The following ZZEF1 variants were observed in gnomAD, a reference collection of about 807,000 sequenced individuals.
The protein encoded by ZZEF1 is zinc finger ZZ-type and EF-hand domain containing 1.
A neutral mutation model predicts 342.8 loss-of-function variants in ZZEF1; 157 were observed. That is an observed-to-expected ratio of 0.46 (90% CI 0.40 to 0.52). The LOEUF (loss-of-function observed/expected upper bound fraction) is 0.52. ZZEF1 is among the 20% of genes least tolerant of loss of function. The pLI, the probability that ZZEF1 is intolerant of heterozygous loss-of-function variation, is 0.00. For missense variants in ZZEF1, 3,480 were observed against 3,725.6 expected (o/e 0.93, Z 1.72); for synonymous variants, 1,505 against 1,429.1 (o/e 1.05, Z -1.20).
intron 1 of ZZEF1, among the ~76,000 whole-genome samples, chr17:4,132,201 CT>C (rs34252779): frequency 0.66 from 88,605 of 134,870 alleles, 29,934 homozygotes; most frequent in East Asian, 0.9. Context: ...TAAATTTTCT[CT>C]TTTTTTTTTT....
chr17:4,083,730 C>T (rs2057768180), intron 16 of ZZEF1, among the ~76,000 whole-genome samples: 1 of 151,120 alleles, frequency 6.6e-6, no homozygotes, highest in Non-Finnish European at 1.5e-5. Context: ...CTCTGCCTCT[C>T]GGGTTCAAGC....
At chr17:4,020,801 C>T (rs2056248590) in intron 45 of ZZEF1, among the ~76,000 whole-genome samples, 1 of 152,174 alleles carries the variant, frequency 6.6e-6, no homozygotes. Context: ...AAGGAACTAT[C>T]GTATAGAGTT....
chr17:4,015,420 T>C (rs546655388), intron 49 of ZZEF1, among the ~76,000 whole-genome samples: 1 of 152,346 alleles, frequency 6.6e-6, no homozygotes, highest in South Asian at 2.1e-4. Flanking sequence ...CACTCAGAAG[T>C]AGATGCCTGG....
At chr17:4,013,043 C>T (rs558226544) in intron 52 of ZZEF1, among the ~76,000 whole-genome samples, 1 of 149,916 alleles carries the variant, frequency 6.7e-6, no homozygotes, top group East Asian at 2.0e-4. Flanking sequence ...GATCTACAGT[C>T]GCACCACAGC....
chr17:4,032,837 G>A lies in ZZEF1; in HGVS notation c.6750C>T (p.Gly2250=). The A allele has an allele frequency of 6.2e-7, 1 of 1,614,024 alleles. No homozygotes were observed. The highest frequency in any genetic ancestry group is 2.2e-5 in the East Asian group (1 of 44,870). Residue 2250 remains glycine (G), a synonymous_variant, in exon 41 of 55, where the codon GGC becomes GGT. Transcript: ENST00000381638. ...TNIFTLLVLV[G]FPQVLCVGTR... is the part of the protein sequence containing the mutation. ...CTTCAGAGTGTGGTACCTGGGGGAAGCCAACCAGCACGAGCAGGGTGAAGA... is the reference window on the plus strand; with the variant it reads ...CTTCAGAGTGTGGTACCTGGGGGAAACCAACCAGCACGAGCAGGGTGAAGA...
rs765853012 is a variant in ZZEF1 at position 4,025,028 on chromosome 17, A to G, written c.6983T>C (p.Phe2328Ser). Residue 2328 changes from phenylalanine (F) to serine (S), a missense_variant, in exon 43 of 55, where the codon TTT becomes TCT. This residue lies in a region of ZZEF1 where 1,269 missense variants were observed against 1,342.4 expected (regional missense o/e 0.95). Transcript: ENST00000381638. Reference sequence around the variant, plus strand: ...GCTTTGCAGAAGGTGACTGGCGATAAAGGCAAAGTGCTGGGAGTACTGGCT... The same window carrying G: ...GCTTTGCAGAAGGTGACTGGCGATAGAGGCAAAGTGCTGGGAGTACTGGCT... ...QLSQYSQHFA[F>S]IASHLLQSSM... 6.2e-7 allele frequency: 1 copy of G among 1,614,184 alleles called. No individual in the cohort carries two copies. The highest frequency in any genetic ancestry group is 8.5e-7 in the Non-Finnish European group (1 of 1,180,030).
chr17:4,121,574 G>A (rs2058483830), intron 2 of ZZEF1, among the ~76,000 whole-genome samples: 1 of 152,098 alleles, frequency 6.6e-6, no homozygotes, highest in Admixed American at 6.6e-5. Context: ...TGCAGTGAAT[G>A]GAGATCCCAC....
chr17:4,067,714 T>A (rs2057428180), intron 26 of ZZEF1, among the ~76,000 whole-genome samples: 1 of 152,150 alleles, frequency 6.6e-6, no homozygotes, highest in Admixed American at 6.5e-5. Flanking sequence ...TCCCAGCACT[T>A]TTTATTTTTA....
rs192184890 is a variant in ZZEF1 at position 4,100,481 on chromosome 17, T to G, written c.1672+1836A>C. 1.4e-3 allele frequency among the ~76,000 whole-genome samples: 213 copies of G among 152,224 alleles called. 1 individual carries two copies. Among genetic ancestry groups the G allele is most frequent in the African/African-American group, 4.8e-3 (200 of 41,532 alleles). On this transcript the variant is annotated intron_variant, in intron 9 of 54. Coordinates refer to ENST00000381638, the MANE Select transcript of ZZEF1 (RefSeq NM_015113.4). ...GAGGGGAAAAAGCAGGAAGGAGAACTGGGTAGGTAAAAGACACAGGGAAAA... is the reference window on the plus strand; with the variant it reads ...GAGGGGAAAAAGCAGGAAGGAGAACGGGGTAGGTAAAAGACACAGGGAAAA...
At chr17:4,065,225 A>C (rs554720147) in intron 28 of ZZEF1, among the ~76,000 whole-genome samples, 2 of 152,102 alleles carry the variant, frequency 1.3e-5, no homozygotes, top group East Asian at 1.9e-4. Context: ...GGTGAAACCC[A>C]ATCTCTATAA....
At position 4,017,626 on chromosome 17, in the gene ZZEF1, C is replaced by G; in HGVS notation, c.7746G>C (p.Gln2582His). ...GGAGGGCGGCGCTCTTGCTACGGCG[C>G]TGCTTGGCATAGCTCTGCTGCAGTT... The part of the protein sequence containing the change: ...ESELQQSYAK[Q>H]RRSKSAALLH... The change falls in exon 48 of 55, where the codon CAG (glutamine) becomes CAC (histidine). Residue 2582 changes from glutamine to histidine, a missense_variant. Transcript: ENST00000381638. The surrounding 1 kb of genome is among the most constrained non-coding windows in gnomAD (Gnocchi z 5.1). 4 of 1,614,202 alleles carry G rather than the reference C, an allele frequency of 2.5e-6. No individual in the cohort carries two copies. The highest frequency in any genetic ancestry group is 3.4e-6 in the Non-Finnish European group (4 of 1,180,032).
chr17:4,008,192 A>G lies in ZZEF1; in HGVS notation c.8805+691T>C, dbSNP rs535817462. 2 of 152,350 alleles carry G rather than the reference A, an allele frequency of 1.3e-5. No individual in the cohort carries two copies. The highest frequency in any genetic ancestry group is 1.9e-4 in the East Asian group (1 of 5,176). 9.4% of individuals were successfully genotyped at this position (152,350 alleles called of 1,614,324 possible). A position where few individuals can be genotyped will look rare whatever the true frequency, so the allele number is the denominator to read the frequency against. On this transcript the variant is annotated intron_variant, in intron 54 of 54. Coordinates refer to ENST00000381638, the MANE Select transcript of ZZEF1 (RefSeq NM_015113.4). The surrounding 1 kb of genome is among the most constrained non-coding windows in gnomAD (Gnocchi z 4.2). ...CCAGCTGTCTTCTACGAGGCCAGAC[A>G]TGAGAGGGGTCTGCAAGGATGGAAC...
intron 35 of ZZEF1, among the ~76,000 whole-genome samples, chr17:4,051,627 G>C (rs538241307): frequency 6.6e-4 from 101 of 151,882 alleles, no homozygotes; most frequent in African/African-American, 2.4e-3. Context: ...CTCCATGTTG[G>C]GCAGGCTGAT....
chr17:4,138,622 A>AC (rs1234934367), intron 1 of ZZEF1, among the ~76,000 whole-genome samples: 5 of 152,120 alleles, frequency 3.3e-5, no homozygotes, highest in African/African-American at 4.8e-5. Context: ...AGAGCTTACC[A>AC]CCCCACGAAT....
At chr17:4,090,529 C>A (rs2057922348) in intron 12 of ZZEF1, among the ~76,000 whole-genome samples, 190 bp downstream of exon 12, 1 of 152,244 alleles carries the variant, frequency 6.6e-6, no homozygotes, top group African/African-American at 2.4e-5. Flanking sequence ...GCCAACAGCT[C>A]TCTGTCTCTC....
rs200164906 is a variant in ZZEF1, at chr17:4,059,259, C to G, written c.4915G>C (p.Asp1639His). 253 of 1,603,640 alleles carry G rather than the reference C, an allele frequency of 1.6e-4. No homozygotes were observed. The highest frequency in any genetic ancestry group is 2.1e-4 in the Non-Finnish European group (242 of 1,177,824). The change falls in exon 31 of 55, where the codon GAT becomes CAT. Residue 1639 changes from aspartate (D) to histidine (H), a missense_variant. By Grantham distance (81) the Asp-to-His change is moderately conservative (BLOSUM62 -1). Around this residue, in one of 5 missense-constraint regions of ZZEF1, gnomAD observed 1,528 missense variants for 1,624.1 expected, o/e 0.94. Coordinates refer to ENST00000381638, the MANE Select transcript of ZZEF1 (RefSeq NM_015113.4). Reference sequence around the variant, plus strand: ...GTGTCTCGAATTTCTTTGTGTAGATCAGCACCACAGCCTTCCAGGTGTCCA... The same window carrying G: ...GTGTCTCGAATTTCTTTGTGTAGATGAGCACCACAGCCTTCCAGGTGTCCA... ...YFGHLEGCGADLHKEIRDTYY... is the reference protein window; with the variant it reads ...YFGHLEGCGAHLHKEIRDTYY...
chr17:4,135,469 A>G (rs1479327611), intron 1 of ZZEF1, among the ~76,000 whole-genome samples: 1 of 83,282 alleles, frequency 1.2e-5, no homozygotes, highest in East Asian at 4.3e-4. Context: ...GCAAGACTCC[A>G]TCTTAAAAAA....
intron 29 of ZZEF1, among the ~76,000 whole-genome samples, chr17:4,063,395 G>T (rs1411671436): frequency 6.6e-6 from 1 of 152,102 alleles, no homozygotes; most frequent in Non-Finnish European, 1.5e-5. Flanking sequence ...GGGTAACATA[G>T]GGCGGCCATG....
intron 5 of ZZEF1, among the ~76,000 whole-genome samples, chr17:4,110,837 C>T (rs1340755248): frequency 6.6e-6 from 1 of 151,822 alleles, no homozygotes; most frequent in Non-Finnish European, 1.5e-5. Flanking sequence ...GCCTCAGCCT[C>T]CCAAGTAGCT....
Sources: allele counts gnomAD v4.1 joint callset (sites outside exome capture counted in the v4.1 genomes callset), GRCh38; gene constraint gnomAD v4.1.1; regional missense constraint gnomAD v4.1.1; non-coding constraint Gnocchi (gnomAD v3.1); transcripts MANE v1.5; gene names NCBI Gene and HGNC (gene_info 2026-07-23, HGNC 2026-07-21).